GRM7: variants seen among roughly 807,000 people sequenced by gnomAD.
GRM7 encodes glutamate metabotropic receptor 7.
A neutral mutation model predicts 84.5 loss-of-function variants in GRM7; 35 were observed. The ratio of observed to expected loss-of-function variants is 0.41; its 90% CI spans 0.32 to 0.55. The LOEUF (loss-of-function observed/expected upper bound fraction) is 0.55. Ranked by LOEUF, GRM7 falls within the 20% of genes least tolerant of loss-of-function variation. GRM7 has a pLI of 0.19. For synonymous variants in GRM7, 487 were observed against 455.1 expected (o/e 1.07, Z -0.89); for missense variants, 1,003 against 1,194.6 (o/e 0.84, Z 2.36).
chr3:7,476,178 T>G (rs1401307696), intron 7 of GRM7, among the ~76,000 whole-genome samples: 1 of 152,142 alleles, frequency 6.6e-6, no homozygotes, highest in Non-Finnish European at 1.5e-5. Flanking sequence ...TTCTCCAGGC[T>G]TCATCCCCCC....
intron 4 of GRM7, among the ~76,000 whole-genome samples, chr3:7,409,289 T>C (rs1695813193): frequency 6.6e-6 from 1 of 152,214 alleles, no homozygotes; most frequent in African/African-American, 2.4e-5. Flanking sequence ...AAGAAAAGTT[T>C]GTATTTTTAT....
chr3:7,543,185 T>C (rs1692978107), intron 7 of GRM7, among the ~76,000 whole-genome samples: 1 of 152,234 alleles, frequency 6.6e-6, no homozygotes, highest in African/African-American at 2.4e-5. Flanking sequence ...GAGAGGTTAA[T>C]AGGAGACAGC....
At chr3:7,130,972 C>A (rs560721383) in intron 1 of GRM7, among the ~76,000 whole-genome samples, 19 of 152,090 alleles carry the variant, frequency 1.2e-4, no homozygotes, top group Non-Finnish European at 2.6e-4. Context: ...CACACACGTG[C>A]GCAAGGAATT....
At chr3:7,454,090 A>ACACTCTCTCTCTCTCTCTCTCTCTCTCT (rs1365192243) in intron 6 of GRM7, among the ~76,000 whole-genome samples, 2 of 140,122 alleles carry the variant, frequency 1.4e-5, no homozygotes, top group African/African-American at 2.8e-5. Context: ...CTACACACAC[A>ACACTCTCTCTCTCTCTCTCTCTCTCTCT]CTCTCTCTCT....
intron 7 of GRM7, among the ~76,000 whole-genome samples, chr3:7,568,751 C>T (rs34290711): frequency 0.072 from 10,995 of 152,206 alleles, 436 homozygotes; most frequent in East Asian, 0.098. Flanking sequence ...CCAGCGGTTG[C>T]GGAGGGTGTA....
At chr3:7,141,946 T>G (rs1196502675) in intron 1 of GRM7, among the ~76,000 whole-genome samples, 1 of 152,132 alleles carries the variant, frequency 6.6e-6, no homozygotes, top group African/African-American at 2.4e-5. Flanking sequence ...AGGGAAAGAT[T>G]TAAATGTAAA....
At chr3:7,501,438 A>G (rs1699879110) in intron 7 of GRM7, among the ~76,000 whole-genome samples, 1 of 152,202 alleles carries the variant, frequency 6.6e-6, no homozygotes, top group Non-Finnish European at 1.5e-5. Flanking sequence ...CCATTTATTG[A>G]CTACGTGAGT....
At chr3:7,291,316 A>T (rs1447193282) in intron 2 of GRM7, among the ~76,000 whole-genome samples, 4 of 152,120 alleles carry the variant, frequency 2.6e-5, no homozygotes, top group African/African-American at 4.8e-5. Context: ...GGGTGCTAAC[A>T]GTATTTATTC....
intron 4 of GRM7, among the ~76,000 whole-genome samples, chr3:7,396,476 T>A (rs766428879): frequency 3.9e-5 from 6 of 152,214 alleles, no homozygotes; most frequent in Non-Finnish European, 7.3e-5. Context: ...GTTTTCATCT[T>A]CTGCATCTTA....
At chr3:7,542,458 A>C (rs942470402) in intron 7 of GRM7, among the ~76,000 whole-genome samples, 5 of 151,886 alleles carry the variant, frequency 3.3e-5, no homozygotes, top group African/African-American at 9.7e-5. Context: ...ACCTCCTCTG[A>C]GATGTGTTTT....
chr3:7,578,240 G>A, intron 7 of GRM7, among the ~76,000 whole-genome samples, 182 bp from the exon 8 acceptor site: 1 of 152,150 alleles, frequency 6.6e-6, no homozygotes. Flanking sequence ...GGTGAAGAGT[G>A]AGGATGCTGG....
chr3:7,504,916 G>GTCCAAAA (rs1284245255), intron 7 of GRM7, among the ~76,000 whole-genome samples: 1 of 152,184 alleles, frequency 6.6e-6, no homozygotes, highest in Admixed American at 6.5e-5. Context: ...AAAGTCCAAA[G>GTCCAAAA]TCCAGAGTCT....
At chr3:7,127,323 G>T (rs73122305) in intron 1 of GRM7, among the ~76,000 whole-genome samples, 2,762 of 152,272 alleles carry the variant, frequency 0.018, 84 homozygotes, top group African/African-American at 0.064. Flanking sequence ...AAGTGTTCAG[G>T]AAACAGACTG....
intron 8 of GRM7, among the ~76,000 whole-genome samples, chr3:7,642,781 G>T (rs1698422988): frequency 6.6e-6 from 1 of 152,098 alleles, no homozygotes; most frequent in South Asian, 2.1e-4. Flanking sequence ...TTACAAGGTA[G>T]ACATTCAGTA....
At chr3:7,480,554 A>G (rs2124936015) in intron 7 of GRM7, among the ~76,000 whole-genome samples, 1 of 152,362 alleles carries the variant, frequency 6.6e-6, no homozygotes, top group African/African-American at 2.4e-5. Flanking sequence ...AACATTAAAT[A>G]AAAAGTAAAT....
Position 7,489,577 on chromosome 3 carries a change from G to A in GRM7, c.1515+27855G>A, listed in dbSNP as rs958408222. Among the ~76,000 whole-genome samples the A allele has an allele frequency of 3.9e-5, 6 of 152,236 alleles. No homozygotes were observed. The East Asian group carries it at 9.7e-4, about 25-fold the overall frequency. ...TAAGGGTGGTGCTTCAGGTGACTAC[G>A]TAGCTTGTGTGTAATGTTCCTGTGA... On this transcript the variant is annotated intron_variant, in intron 7 of 9. Coordinates refer to ENST00000357716, the MANE Select transcript of GRM7 (RefSeq NM_000844.4).
intron 8 of GRM7, among the ~76,000 whole-genome samples, chr3:7,592,728 G>A (rs1326078377): frequency 6.6e-6 from 1 of 152,174 alleles, no homozygotes. Context: ...TTTATTTGCA[G>A]TATTAATATC....
At chr3:7,170,427 C>G (rs1421784692) in intron 2 of GRM7, among the ~76,000 whole-genome samples, 1 of 152,092 alleles carries the variant, frequency 6.6e-6, no homozygotes, top group Non-Finnish European at 1.5e-5. Context: ...TCTGATTGTG[C>G]CAATATTGAT....
At chr3:7,141,384 G>A (rs1219517461) in intron 1 of GRM7, among the ~76,000 whole-genome samples, 1 of 152,032 alleles carries the variant, frequency 6.6e-6, no homozygotes, top group Non-Finnish European at 1.5e-5. Context: ...TAAGGAATGT[G>A]CAAGGTTTAC....
Sources: gnomAD v4.1 joint callset for allele counts (sites outside exome capture counted in the v4.1 genomes callset) on GRCh38, gnomAD v4.1.1 for gene constraint, MANE v1.5 for transcripts, NCBI Gene and HGNC (gene_info 2026-07-23, HGNC 2026-07-21) for gene names.